Variants in PRELID2 observed in about 807,000 individuals in gnomAD.
The protein encoded by PRELID2 is PRELI domain containing 2, also known as PRELI domain-containing protein 2.
A neutral mutation model predicts 28.4 loss-of-function variants in PRELID2; 25 were observed. The observed-to-expected ratio is 0.88, with a 90% confidence interval of 0.64 to 1.23. The LOEUF (loss-of-function observed/expected upper bound fraction) is 1.23. PRELID2 is among the 50% of genes most tolerant of loss of function. The pLI is 0.00. For missense variants in PRELID2, 201 were observed against 214.4 expected (o/e 0.94, Z 0.39); for synonymous variants, 76 against 71.6 (o/e 1.06, Z -0.31).
the PRELID2 span, among the ~76,000 whole-genome samples, chr5:145,302,224 A>G: frequency 6.6e-6 from 1 of 151,750 alleles, no homozygotes. Context: ...CAATGGCTCA[A>G]TCTTGGCTCA....
the PRELID2 span, among the ~76,000 whole-genome samples, chr5:145,348,938 C>A: frequency 6.6e-6 from 1 of 152,000 alleles, no homozygotes; most frequent in Non-Finnish European, 1.5e-5. Flanking sequence ...AATGTTGATC[C>A]ACTGCAATTT....
the PRELID2 span, among the ~76,000 whole-genome samples, chr5:145,413,767 G>A: frequency 6.6e-6 from 1 of 151,440 alleles, no homozygotes; most frequent in Non-Finnish European, 1.5e-5. Flanking sequence ...AACTTTTTTA[G>A]GTTCCATACA....
chr5:145,724,602 T>TATATATAC (rs1561558938), intron 1 of PRELID2, among the ~76,000 whole-genome samples: 4 of 27,810 alleles, frequency 1.4e-4, no homozygotes, highest in Non-Finnish European at 2.3e-4. Flanking sequence ...AGTAAATAAA[T>TATATATAC]ATATATATAT....
At chr5:145,516,878 G>A (rs1282007145) in intron 1 of PRELID2, among the ~76,000 whole-genome samples, 2 of 152,146 alleles carry the variant, frequency 1.3e-5, no homozygotes, top group Non-Finnish European at 2.9e-5. Flanking sequence ...ACAAAAACAA[G>A]CAACTGGGAA....
intron 1 of PRELID2, among the ~76,000 whole-genome samples, chr5:145,632,414 T>G (rs1291180265): frequency 6.6e-6 from 1 of 152,210 alleles, no homozygotes; most frequent in Non-Finnish European, 1.5e-5. Context: ...AAAACTATTT[T>G]TAAATGGTGA....
chr5:145,396,698 AT>A, the PRELID2 span, among the ~76,000 whole-genome samples: 1 of 152,140 alleles, frequency 6.6e-6, no homozygotes, highest in African/African-American at 2.4e-5. Context: ...GATAACTAAA[AT>A]ATCCCCCTTA....
chr5:145,615,329 T>A (rs1161764068), intron 1 of PRELID2, among the ~76,000 whole-genome samples: 59 of 9,946 alleles, frequency 5.9e-3, no homozygotes, highest in Admixed American at 0.015. Flanking sequence ...TTTTTTTTGT[T>A]TTTTTTTTTT....
chr5:145,460,353 G>A, the PRELID2 span, among the ~76,000 whole-genome samples: 1 of 152,138 alleles, frequency 6.6e-6, no homozygotes, highest in Admixed American at 6.5e-5. Flanking sequence ...TATAGAACAT[G>A]TATTTTTAGT....
At chr5:145,570,962 C>T (rs1254595094) in intron 1 of PRELID2, among the ~76,000 whole-genome samples, 2 of 152,176 alleles carry the variant, frequency 1.3e-5, no homozygotes, top group Non-Finnish European at 2.9e-5. Flanking sequence ...TCTTGCTTAC[C>T]GTAATCCAGC....
At chr5:145,403,492 G>A in the PRELID2 span, among the ~76,000 whole-genome samples, 5 of 152,210 alleles carry the variant, frequency 3.3e-5, no homozygotes, top group Admixed American at 6.5e-5. Flanking sequence ...CTGGTTCGGA[G>A]GTCTCCCCAT....
At chr5:145,343,767 T>C in the PRELID2 span, among the ~76,000 whole-genome samples, 6 of 151,552 alleles carry the variant, frequency 4.0e-5, no homozygotes, top group Non-Finnish European at 8.9e-5. Context: ...TAAACCACTA[T>C]GTAGATGAAC....
intron 1 of PRELID2, among the ~76,000 whole-genome samples, chr5:145,716,981 T>A (rs1263226396): frequency 6.6e-6 from 1 of 152,130 alleles, no homozygotes; most frequent in Admixed American, 6.6e-5. Context: ...CCATCAATAA[T>A]GGAATGCGTG....
At chr5:145,728,998 A>G (rs1467869123) in intron 1 of PRELID2, 1 of 728,024 alleles carries the variant, frequency 1.4e-6, no homozygotes, top group Admixed American at 1.9e-5. Flanking sequence ...GAGGGGTCCC[A>G]CTCCCTCCTG....
the PRELID2 span, among the ~76,000 whole-genome samples, chr5:145,364,916 T>G: frequency 0.3 from 45,291 of 151,764 alleles, 7,041 homozygotes; most frequent in African/African-American, 0.38. Context: ...TCTAAGACCT[T>G]CCAGTGGTAA....
intron 1 of PRELID2, among the ~76,000 whole-genome samples, chr5:145,689,517 C>A (rs888656717): frequency 1.3e-5 from 2 of 152,154 alleles, no homozygotes; most frequent in Non-Finnish European, 2.9e-5. Flanking sequence ...GTTCCAGCCC[C>A]AGTATCAAAA....
intron 1 of PRELID2, among the ~76,000 whole-genome samples, chr5:145,588,879 T>TTA (rs749164496): frequency 1.3e-4 from 18 of 141,114 alleles, no homozygotes; most frequent in Non-Finnish European, 2.7e-4. Flanking sequence ...TTTTTATTGG[T>TTA]AAAAAAAAAA....
At chr5:145,280,706 A>C in the PRELID2 span, among the ~76,000 whole-genome samples, 1 of 151,374 alleles carries the variant, frequency 6.6e-6, no homozygotes, top group Non-Finnish European at 1.5e-5. Context: ...TTAATCTACT[A>C]TTTCTGTCTG....
In PRELID2 at chr5:145,573,401, T is replaced by C. The variant is rs151028678; in HGVS notation, n.71-100086A>G. Among the ~76,000 whole-genome samples the C allele has an allele frequency of 1.5e-3, 235 of 152,166 alleles. 2 individuals are homozygous for C. The highest frequency in any genetic ancestry group is 5.5e-3 in the African/African-American group (229 of 41,508). On this transcript the variant is annotated intron_variant and non_coding_transcript_variant, in intron 1 of 2. Coordinates refer to the PRELID2 transcript ENST00000510259. ...AACGTGCAGGTTTCTTATATAGGTA[T>C]ACATGTGCTATGGTGGTTTGCTGCA...
At chr5:145,242,321 G>A in the PRELID2 span, among the ~76,000 whole-genome samples, 1 of 151,768 alleles carries the variant, frequency 6.6e-6, no homozygotes, top group Admixed American at 6.6e-5. Flanking sequence ...GAGTCTCCAG[G>A]GACCATAAGA....
Sources: gnomAD v4.1 joint callset for allele counts (sites outside exome capture counted in the v4.1 genomes callset) on GRCh38, gnomAD v4.1.1 for gene constraint, MANE v1.5 for transcripts, NCBI Gene and HGNC (gene_info 2026-07-23, HGNC 2026-07-21) for gene names.